AP3S2: variants seen among roughly 807,000 people sequenced by gnomAD.
AP3S2 encodes adaptor related protein complex 3 subunit sigma 2.
AP3S2 carries 22 observed loss-of-function variants against 23.4 expected under a neutral mutation model. That is an observed-to-expected ratio of 0.94 (90% confidence interval 0.67 to 1.34). The LOEUF (loss-of-function observed/expected upper bound fraction) is 1.34. Among genes scored for constraint, AP3S2 ranks in the 40% most tolerant of loss-of-function variants. AP3S2 has a pLI of 0.00. For synonymous variants in AP3S2, 86 were observed against 87.1 expected (o/e 0.99, Z 0.07); for missense variants, 241 against 236.9 (o/e 1.02, Z -0.11).
rs1895129196 is a variant in AP3S2 at position 89,833,735 on chromosome 15, C to T, written c.*1780G>A. The T allele has an allele frequency of 6.6e-6, 1 of 152,220 alleles. No individual in the cohort carries two copies. Among genetic ancestry groups the T allele is most frequent in the South Asian group, 2.1e-4 (1 of 4,832 alleles). 9.4% of individuals were successfully genotyped at this position (152,220 alleles called of 1,614,324 possible). On this transcript the variant is annotated 3_prime_UTR_variant, in exon 6 of 6. Transcript: ENST00000336418. ...TCTTCCACAGGAAGCGGCCCACCTT[C>T]TGACCCACACTGCCCATCTCTGTGC... is the stretch of plus-strand genomic sequence containing the variant.
At chr15:89,885,934 C>CAAAA (rs34323747) in intron 3 of AP3S2, among the ~76,000 whole-genome samples, 2 of 104,926 alleles carry the variant, frequency 1.9e-5, no homozygotes, top group Non-Finnish European at 3.7e-5. Context: ...GACCTTGTCT[C>CAAAA]AAAAAAAAAA....
rs971705185 is a variant in AP3S2 at position 89,872,178 on chromosome 15, A to G, written c.274-632T>C. Among the ~76,000 whole-genome samples the G allele has an allele frequency of 5.9e-5, 9 of 152,056 alleles. No individual in the cohort carries two copies. In the East Asian group the frequency reaches 1.7e-3, roughly 29 times the overall value. On this transcript the variant is annotated intron_variant, in intron 3 of 5. Transcript: ENST00000336418. Reference sequence around the variant, plus strand: ...AAAGAATAACAAATTAAAAAAACCAACTACTTACAATACTATGTCCTCAAT... The same window carrying G: ...AAAGAATAACAAATTAAAAAAACCAGCTACTTACAATACTATGTCCTCAAT...
At position 89,891,652 on chromosome 15, in the gene AP3S2, T is replaced by C. The variant is rs528772094; in HGVS notation, c.69+2229A>G. On this transcript the variant is annotated intron_variant, in intron 1 of 5. Coordinates refer to ENST00000336418, the MANE Select transcript of AP3S2 (RefSeq NM_005829.5). ...CTGGGAGATAGAGTGAGATTCAGTC[T>C]CGGAGGGAAAAAAAAAAGCCACAGT... Among the ~76,000 whole-genome samples the C allele has an allele frequency of 3.7e-3, 555 of 149,380 alleles. 6 individuals are homozygous for C. Among genetic ancestry groups the C allele is most frequent in the African/African-American group, 0.013 (533 of 40,570 alleles).
rs145218660 is a variant in AP3S2 at position 89,871,505 on chromosome 15, A to G, written c.315T>C (p.Cys105=). ...CCATATGGAAGATCAAATCCAATTC[A>G]CACACATTTTCGAAACACTTATCCA... ...ETLDKCFENV[C]ELDLIFHMDK... Residue 105 remains cysteine, a synonymous_variant, in exon 4 of 6, where the codon TGT becomes TGC. Coordinates refer to ENST00000336418, the MANE Select transcript of AP3S2 (RefSeq NM_005829.5). 100 of 1,613,724 alleles carry G rather than the reference A, an allele frequency of 6.2e-5. No homozygotes were observed. Among genetic ancestry groups the G allele is most frequent in the Non-Finnish European group, 8.1e-5 (96 of 1,179,954 alleles).
intron 3 of AP3S2, 21 bp from the exon 4 acceptor site, chr15:89,871,567 G>C: frequency 6.2e-7 from 1 of 1,610,612 alleles, no homozygotes; most frequent in South Asian, 1.1e-5. Flanking sequence ...AGGAGAAATA[G>C]ATAAAGAAGA....
chr15:89,835,448 C>T lies in AP3S2; in HGVS notation c.*67G>A. On this transcript the variant is annotated 3_prime_UTR_variant, in exon 6 of 6. Transcript: ENST00000336418. ...CTAAGGCTCAAAATGGGTTCTGTTTCCAGACGTGCTTGCCTTGCTTGTCTT... is the reference window on the plus strand; with the variant it reads ...CTAAGGCTCAAAATGGGTTCTGTTTTCAGACGTGCTTGCCTTGCTTGTCTT... The T allele has an allele frequency of 6.3e-7, 1 of 1,599,364 alleles. No homozygotes were observed. Among genetic ancestry groups the T allele is most frequent in the Non-Finnish European group, 8.5e-7 (1 of 1,172,082 alleles).
At chr15:89,880,644 A>C (rs1428708731) in intron 3 of AP3S2, among the ~76,000 whole-genome samples, 2 of 150,784 alleles carry the variant, frequency 1.3e-5, no homozygotes, top group Non-Finnish European at 2.9e-5. Context: ...ACCGCACTCC[A>C]GCCTGGGCAA....
At chr15:89,841,095 AGTG>A (rs1895320031) in intron 4 of AP3S2, among the ~76,000 whole-genome samples, 1 of 152,212 alleles carries the variant, frequency 6.6e-6, no homozygotes, top group East Asian at 1.9e-4. Flanking sequence ...GATAGACAAC[AGTG>A]TGGTGGTGGG....
At chr15:89,886,101 A>C (rs1896695081) in intron 3 of AP3S2, among the ~76,000 whole-genome samples, 1 of 152,154 alleles carries the variant, frequency 6.6e-6, no homozygotes, top group African/African-American at 2.4e-5. Flanking sequence ...CTGTAATCCC[A>C]GCACTTTGGG....
chr15:89,875,083 G>A (rs547515049), intron 3 of AP3S2, among the ~76,000 whole-genome samples: 1 of 152,290 alleles, frequency 6.6e-6, no homozygotes, highest in South Asian at 2.1e-4. Flanking sequence ...TGCCATCCAG[G>A]CCCCCGGAAG....
chr15:89,840,770 T>C (rs1432156507), intron 4 of AP3S2, among the ~76,000 whole-genome samples: 1 of 152,166 alleles, frequency 6.6e-6, no homozygotes, highest in East Asian at 1.9e-4. Flanking sequence ...ATTTTATATA[T>C]GAGGAAAAGG....
At chr15:89,887,886 G>A (rs930657892) in intron 3 of AP3S2, among the ~76,000 whole-genome samples, 11 of 152,142 alleles carry the variant, frequency 7.2e-5, no homozygotes, top group Admixed American at 7.2e-4. Context: ...GGCCAGGTTG[G>A]TCTCAAAATC....
chr15:89,872,447 G>A (rs1896343554), intron 3 of AP3S2, among the ~76,000 whole-genome samples: 1 of 152,096 alleles, frequency 6.6e-6, no homozygotes, highest in Non-Finnish European at 1.5e-5. Flanking sequence ...ACAGAAAAGT[G>A]TACAAATGAC....
chr15:89,845,568 G>A (rs1355432719), intron 4 of AP3S2: 1 of 152,192 alleles, frequency 6.6e-6, no homozygotes, highest in Non-Finnish European at 1.5e-5. Context: ...GATAGAGTCA[G>A]GGCACAAAGA....
chr15:89,890,008 T>C (rs1029728041), intron 1 of AP3S2, among the ~76,000 whole-genome samples: 3 of 152,130 alleles, frequency 2.0e-5, no homozygotes, highest in African/African-American at 7.2e-5. Context: ...CAACAAAGTA[T>C]TATTGAGAAA....
intron 4 of AP3S2, among the ~76,000 whole-genome samples, chr15:89,844,325 T>G (rs1895432252): frequency 6.7e-6 from 1 of 149,362 alleles, no homozygotes; most frequent in Non-Finnish European, 1.5e-5. Flanking sequence ...CCTTCTTTCC[T>G]TCCTTCCTTC....
At chr15:89,884,810 C>G (rs1038341007) in intron 3 of AP3S2, among the ~76,000 whole-genome samples, 3 of 152,124 alleles carry the variant, frequency 2.0e-5, no homozygotes, top group Non-Finnish European at 4.4e-5. Context: ...CCACACCCAG[C>G]TAATTTTTTT....
intron 3 of AP3S2, chr15:89,878,370 G>A: frequency 1.7e-6 from 1 of 587,848 alleles, no homozygotes; most frequent in South Asian, 2.0e-5. Flanking sequence ...AAAAGAATAT[G>A]CATACAATTA....
intron 4 of AP3S2, among the ~76,000 whole-genome samples, chr15:89,869,597 C>T (rs1195506210): frequency 6.6e-6 from 1 of 151,300 alleles, no homozygotes; most frequent in East Asian, 1.9e-4. Flanking sequence ...GAAAACTCCC[C>T]CTTTCCTAGT....
Sources: gnomAD v4.1 joint callset for allele counts (sites outside exome capture counted in the v4.1 genomes callset) on GRCh38, gnomAD v4.1.1 for gene constraint, MANE v1.5 for transcripts, NCBI Gene and HGNC (gene_info 2026-07-23, HGNC 2026-07-21) for gene names.